Variants in CD33 observed in about 807,000 individuals in gnomAD.
The protein encoded by CD33 is myeloid cell surface antigen CD33.
A neutral mutation model predicts 31.4 loss-of-function variants in CD33; 25 were observed. That is an observed-to-expected ratio of 0.80 (90% CI 0.58 to 1.11). The LOEUF (loss-of-function observed/expected upper bound fraction) is 1.11, where lower values mean the gene tolerates loss of function less well. Ranked by LOEUF, CD33 falls within the 50% of genes most tolerant of loss-of-function variation. The probability of loss-of-function intolerance (pLI) is 0.00; values close to 1 mark genes in which losing one functional copy is unlikely to be tolerated. For missense variants in CD33, 407 were observed against 448.1 expected, an observed-to-expected ratio of 0.91 and a Z score of 0.83; for synonymous variants, 176 against 180.6, an observed-to-expected ratio of 0.97 and a Z score of 0.20.
chr19:51,235,654 C>T lies in CD33; in HGVS notation c.902C>T (p.Pro301Leu). 1 of 1,613,890 alleles carries T rather than the reference C, an allele frequency of 6.2e-7. No individual in the cohort carries two copies. The highest frequency in any genetic ancestry group is 8.5e-7 in the Non-Finnish European group (1 of 1,179,948). The change falls in exon 6 of 7, where the codon CCT becomes CTT. Residue 301 changes from proline (P) to leucine (L), a missense_variant. By Grantham distance (98) the Pro-to-Leu change is moderately conservative (BLOSUM62 -3). Transcript: ENST00000262262. ...RTAVGRNDTH[P>L]TTGSASPKHQ... ...GCAGTGGGCAGGAATGACACCCACC[C>T]TACCACAGGGTCAGCCTCCCCGGTG...
At chr19:51,218,622 T>A in the CD33 span, among the ~76,000 whole-genome samples, 34 of 152,218 alleles carry the variant, frequency 2.2e-4, no homozygotes, top group Non-Finnish European at 2.9e-5. Context: ...CAGAAAAGAT[T>A]TTCCTAGGTT....
At chr19:51,232,290 G>A (rs1981480528) in intron 4 of CD33, among the ~76,000 whole-genome samples, 1 of 152,044 alleles carries the variant, frequency 6.6e-6, no homozygotes, top group Admixed American at 6.6e-5. Flanking sequence ...GTCTAATAAG[G>A]ATAATCCTAT....
Position 51,235,637 on chromosome 19 carries a change from C to T in CD33, c.885C>T (p.Gly295=). 6.2e-7 allele frequency: 1 copy of T among 1,613,946 alleles called. No individual in the cohort carries two copies. The highest frequency in any genetic ancestry group is 8.5e-7 in the Non-Finnish European group (1 of 1,179,982). ...HRRKAARTAV[G]RNDTHPTTGS... Reference sequence around the variant, plus strand: ...GGAAAGCAGCCAGGACAGCAGTGGGCAGGAATGACACCCACCCTACCACAG... The same window carrying T: ...GGAAAGCAGCCAGGACAGCAGTGGGTAGGAATGACACCCACCCTACCACAG... The change falls in exon 6 of 7, where the codon GGC becomes GGT. Residue 295 remains glycine, a synonymous_variant. Transcript: ENST00000262262.
the CD33 span, among the ~76,000 whole-genome samples, chr19:51,214,903 C>T: frequency 1.3e-5 from 2 of 152,212 alleles, no homozygotes; most frequent in Admixed American, 6.5e-5. Context: ...TATGGTAAGC[C>T]CTGGGCTCAT....
intron 4 of CD33, among the ~76,000 whole-genome samples, chr19:51,227,657 T>C (rs1981126160): frequency 6.6e-6 from 1 of 152,192 alleles, no homozygotes; most frequent in South Asian, 2.1e-4. Flanking sequence ...TATTTTCTCC[T>C]ATTCTGTAGG....
upstream of CD33, among the ~76,000 whole-genome samples, chr19:51,221,981 T>C (rs1433336863): frequency 1.3e-5 from 2 of 152,124 alleles, no homozygotes; most frequent in Non-Finnish European, 2.9e-5. Flanking sequence ...GGAAAACATA[T>C]CAGCATTTTT....
At chr19:51,222,845 C>T (rs1166443377), upstream of CD33, among the ~76,000 whole-genome samples, 2 of 152,142 alleles carry the variant, frequency 1.3e-5, no homozygotes, top group African/African-American at 4.8e-5. Context: ...TAATTAAATT[C>T]ATTAAAGAAA....
At chr19:51,211,223 A>G in the CD33 span, 20 of 1,569,686 alleles carry the variant, frequency 1.3e-5, no homozygotes, top group East Asian at 4.0e-4. Flanking sequence ...CTGGCTATGG[A>G]TCCAAAAATC....
the CD33 span, chr19:51,211,911 A>G: frequency 2.1e-6 from 3 of 1,437,112 alleles, no homozygotes; most frequent in Non-Finnish European, 2.9e-6. Context: ...CTTCTCCTGG[A>G]TGTCAGCTGC....
At chr19:51,235,033 G>A (rs1228710017) in intron 4 of CD33, 124 bp from the exon 5 acceptor site, 1 of 689,702 alleles carries the variant, frequency 1.4e-6, no homozygotes, top group East Asian at 2.6e-5. Context: ...TATGATGGGT[G>A]GGAAGATCTA....
the CD33 span, chr19:51,211,627 C>A: frequency 7.2e-7 from 1 of 1,383,106 alleles, no homozygotes; most frequent in South Asian, 1.4e-5. Flanking sequence ...AAGGGAAGGT[C>A]AAAGGGACCT....
intron 4 of CD33, 79 bp from the exon 5 acceptor site, chr19:51,235,078 C>A (rs1169979638): frequency 8.4e-7 from 1 of 1,191,402 alleles, no homozygotes; most frequent in Non-Finnish European, 1.2e-6. Context: ...GAAGTCACCC[C>A]TCTCTACATG....
At chr19:51,222,592 T>A (rs1455556119), upstream of CD33, among the ~76,000 whole-genome samples, 1 of 152,226 alleles carries the variant, frequency 6.6e-6, no homozygotes, top group African/African-American at 2.4e-5. Context: ...AAAAATATTA[T>A]GCTGGGTCAT....
the CD33 span, chr19:51,211,383 T>C: frequency 6.4e-7 from 1 of 1,561,224 alleles, no homozygotes; most frequent in Non-Finnish European, 8.8e-7. Flanking sequence ...CCAGGGACTC[T>C]CCAGTGGCCA....
At chr19:51,234,823 C>A (rs2123292120) in intron 4 of CD33, among the ~76,000 whole-genome samples, 1 of 152,188 alleles carries the variant, frequency 6.6e-6, no homozygotes, top group South Asian at 2.1e-4. Context: ...CCAGTGCTTT[C>A]TCTCTCTCTC....
the CD33 span, chr19:51,211,982 C>G: frequency 5.1e-6 from 6 of 1,182,390 alleles, no homozygotes; most frequent in South Asian, 6.0e-5. Flanking sequence ...TCCCATGGCC[C>G]CAGGACCACG....
intron 4 of CD33, among the ~76,000 whole-genome samples, chr19:51,228,035 G>T (rs2123216131): frequency 6.6e-6 from 1 of 152,272 alleles, no homozygotes; most frequent in South Asian, 2.1e-4. Context: ...GTAGATCGTG[G>T]ATTAATTTCG....
At chr19:51,214,594 C>T in the CD33 span, among the ~76,000 whole-genome samples, 12 of 152,124 alleles carry the variant, frequency 7.9e-5, no homozygotes, top group East Asian at 7.7e-4. Context: ...TGATGTTGAG[C>T]GTATTTTCAT....
chr19:51,212,042 G>A, the CD33 span: 6 of 874,116 alleles, frequency 6.9e-6, no homozygotes, highest in African/African-American at 3.4e-5. Context: ...GTGTGACCAC[G>A]GAGAGAACCA....
Sources: allele counts gnomAD v4.1 joint callset (sites outside exome capture counted in the v4.1 genomes callset), GRCh38; gene constraint gnomAD v4.1.1; transcripts MANE v1.5; gene names NCBI Gene and HGNC (gene_info 2026-07-23, HGNC 2026-07-21).